Variants in BIRC6 observed in about 807,000 individuals in gnomAD.
BIRC6 encodes the protein baculoviral IAP repeat containing 6.
A neutral mutation model predicts 503.3 loss-of-function variants in BIRC6; 98 were observed. The observed-to-expected ratio is 0.19, with a 90% CI of 0.17 to 0.23. The LOEUF is 0.23. BIRC6 is among the 10% of genes least tolerant of loss of function. BIRC6 has a pLI of 1.00. For missense variants in BIRC6, 5,360 were observed against 5,806.0 expected (o/e 0.92, Z 2.50); for synonymous variants, 2,240 against 2,078.7 (o/e 1.08, Z -2.11).
chr2:32,580,874 T>C (rs2060627946), intron 66 of BIRC6, among the ~76,000 whole-genome samples: 1 of 152,202 alleles, frequency 6.6e-6, no homozygotes, highest in Non-Finnish European at 1.5e-5. Flanking sequence ...ATGCTCCAGA[T>C]ATTTGTCTTA....
At chr2:32,505,507 A>G (rs1324458869) in intron 50 of BIRC6, among the ~76,000 whole-genome samples, 1 of 152,178 alleles carries the variant, frequency 6.6e-6, no homozygotes. Flanking sequence ...TGAGTTCACT[A>G]CACACCCATT....
intron 8 of BIRC6, among the ~76,000 whole-genome samples, chr2:32,402,190 T>C (rs2040680909): frequency 6.6e-6 from 1 of 152,232 alleles, no homozygotes; most frequent in South Asian, 2.1e-4. Flanking sequence ...TCAACTTCTC[T>C]GAGAGATTCC....
rs118042197 is a variant in BIRC6 at position 32,538,666 on chromosome 2, C to T, written c.12292-4575C>T. ...CAGTGTATGGCTGGGCATGGTGGCT[C>T]ATGCCAGTAATCCCAGCACTTTGGG... On this transcript the variant is annotated intron_variant, in intron 61 of 73. Transcript: ENST00000421745. Among the ~76,000 whole-genome samples, 382 of 152,324 alleles carry T rather than the reference C, an allele frequency of 2.5e-3. 14 individuals carry two copies. The East Asian group carries it at 0.061, about 24-fold the overall frequency.
At chr2:32,491,673 C>A in intron 44 of BIRC6, 115 bp downstream of exon 44, 1 of 1,102,440 alleles carries the variant, frequency 9.1e-7, no homozygotes. Context: ...TTTTATGTAT[C>A]AATATAATAA....
At chr2:32,555,152 T>G (rs1376965948) in intron 65 of BIRC6, among the ~76,000 whole-genome samples, 3 of 152,308 alleles carry the variant, frequency 2.0e-5, no homozygotes, top group Non-Finnish European at 4.4e-5. Context: ...ATATCCTTAT[T>G]TATAGTTTTC....
chr2:32,410,269 C>G (rs1428987066), intron 9 of BIRC6, among the ~76,000 whole-genome samples: 1 of 152,102 alleles, frequency 6.6e-6, no homozygotes, highest in Non-Finnish European at 1.5e-5. Flanking sequence ...CCACTGCACT[C>G]CAGCCTGGGC....
intron 10 of BIRC6, among the ~76,000 whole-genome samples, chr2:32,425,718 TC>T (rs1313781825): frequency 6.6e-6 from 1 of 152,224 alleles, no homozygotes; most frequent in African/African-American, 2.4e-5. Context: ...TTCGGCTTTG[TC>T]CCCTTAAATC....
intron 6 of BIRC6, among the ~76,000 whole-genome samples, chr2:32,396,863 A>G (rs2039954251): frequency 6.6e-6 from 1 of 151,876 alleles, no homozygotes; most frequent in African/African-American, 2.4e-5. Context: ...AGCTGGGAGT[A>G]CAGGTGTGCG....
chr2:32,522,996 A>G (rs958897950), intron 57 of BIRC6: 3 of 152,190 alleles, frequency 2.0e-5, no homozygotes, highest in Non-Finnish European at 4.4e-5. Context: ...GACAGCTCAC[A>G]CAATCCTAGG....
chr2:32,429,158 AT>A lies in BIRC6; in HGVS notation c.2889del (p.Leu964SerfsTer16). 6.3e-7 allele frequency: 1 copy of A among 1,590,188 alleles called. No homozygotes were observed. Among genetic ancestry groups the A allele is most frequent in the Non-Finnish European group, 8.6e-7 (1 of 1,169,024 alleles). ...TACTACACTGTAGGTGGTGAGCTTC[AT>A]TTTCTCCAAATTGGAGGAACCTGTG... ...LCACTKGGEL[H>X]FLQIGGTCDD... On this transcript the variant is annotated frameshift_variant, in exon 11 of 74. Coordinates refer to ENST00000421745, the MANE Select transcript of BIRC6 (RefSeq NM_016252.4). LOFTEE classifies it high-confidence loss of function.
At position 32,435,580 on chromosome 2, in the gene BIRC6, C is replaced by G. The variant is rs2044605704; in HGVS notation, c.3494C>G (p.Ser1165Ter). Residue 1165 changes from serine to a stop codon, truncating the protein, a stop_gained, in exon 14 of 74, where the codon TCA becomes TGA. Coordinates refer to ENST00000421745, the MANE Select transcript of BIRC6 (RefSeq NM_016252.4). LOFTEE classifies it high-confidence loss of function. ...ATGCAGCACATGGATGTAGAGGAAT[C>G]ACAGTGTGAGTTAAATTATAGAGCT... ...EEMQHMDVEE[S>*]QCLRLCPFLE... is the part of the protein sequence containing the mutation. The G allele has an allele frequency of 6.4e-7, 1 of 1,552,232 alleles. No individual in the cohort carries two copies. Among genetic ancestry groups the G allele is most frequent in the Admixed American group, 2.0e-5 (1 of 50,682 alleles).
chr2:32,578,270 AT>A (rs973966416), intron 66 of BIRC6, among the ~76,000 whole-genome samples: 33 of 152,244 alleles, frequency 2.2e-4, no homozygotes, highest in African/African-American at 7.2e-4. Context: ...AGTTCACAAA[AT>A]AATCCATTTT....
At chr2:32,466,360 C>G (rs2048540613) in intron 26 of BIRC6, among the ~76,000 whole-genome samples, 1 of 152,120 alleles carries the variant, frequency 6.6e-6, no homozygotes, top group Non-Finnish European at 1.5e-5. Context: ...TCTGCTTTTT[C>G]TTTACCTATC....
intron 66 of BIRC6, among the ~76,000 whole-genome samples, chr2:32,580,040 G>C (rs149270262): frequency 8.1e-5 from 12 of 148,308 alleles, no homozygotes; most frequent in Non-Finnish European, 1.6e-4. Flanking sequence ...TGCAACCTCC[G>C]TCTCCTGGTT....
At chr2:32,536,515 T>C (rs1454543739) in intron 61 of BIRC6, among the ~76,000 whole-genome samples, 1 of 152,242 alleles carries the variant, frequency 6.6e-6, no homozygotes, top group Non-Finnish European at 1.5e-5. Context: ...AGTTTCAGCT[T>C]TCTACATATG....
At chr2:32,514,438 G>T (rs1271272502) in intron 54 of BIRC6, among the ~76,000 whole-genome samples, 1 of 152,212 alleles carries the variant, frequency 6.6e-6, no homozygotes, top group Non-Finnish European at 1.5e-5. Flanking sequence ...AGTCTTTGCT[G>T]AACTTACTGA....
chr2:32,541,627 A>G (rs1421442477), intron 61 of BIRC6, among the ~76,000 whole-genome samples: 2 of 152,230 alleles, frequency 1.3e-5, no homozygotes, highest in East Asian at 1.9e-4. Context: ...TTAGCTCACT[A>G]TTCATTTAAT....
Position 32,602,849 on chromosome 2 carries a change from C to G in BIRC6, c.13993-157C>G, listed in dbSNP as rs185768865. 9 of 510,766 alleles carry G rather than the reference C, an allele frequency of 1.8e-5. No individual in the cohort carries two copies. The Admixed American group carries it at 3.6e-4, about 21-fold the overall frequency. 31.6% of individuals were successfully genotyped at this position (510,766 alleles called of 1,614,324 possible). On this transcript the variant is annotated intron_variant, in intron 70 of 73. Transcript: ENST00000421745. Reference sequence around the variant, plus strand: ...AAATTTGAATCACATCTGAAGATGCCAATTTGTTTTAACAGACAACCCTTA... The same window carrying G: ...AAATTTGAATCACATCTGAAGATGCGAATTTGTTTTAACAGACAACCCTTA...
At position 32,406,575 on chromosome 2, in the gene BIRC6, G is replaced by C. The variant is rs769411274; in HGVS notation, c.1477+18G>C. The C allele has an allele frequency of 6.4e-7, 1 of 1,570,966 alleles. No homozygotes were observed. Among genetic ancestry groups the C allele is most frequent in the East Asian group, 2.2e-5 (1 of 44,476 alleles). Reference sequence around the variant, plus strand: ...TGTGACAGGTATGTAAAAAGTATTAGATAATGTATTTAAAAAATTCTTTAC... The same window carrying C: ...TGTGACAGGTATGTAAAAAGTATTACATAATGTATTTAAAAAATTCTTTAC... On this transcript the variant is annotated intron_variant, in intron 9 of 73. Transcript: ENST00000421745.
Sources: allele counts gnomAD v4.1 joint callset (sites outside exome capture counted in the v4.1 genomes callset), GRCh38; gene constraint gnomAD v4.1.1; transcripts MANE v1.5; gene names NCBI Gene and HGNC (gene_info 2026-07-23, HGNC 2026-07-21).